The following NOL4 variants were observed in gnomAD, a reference collection of about 807,000 sequenced individuals.
The protein encoded by NOL4 is nucleolar protein 4.
In NOL4, 17 loss-of-function variants were observed where a neutral mutation model predicts 75.9. The observed-to-expected ratio is 0.22, with a 90% confidence interval of 0.15 to 0.34. NOL4 has a LOEUF of 0.34. NOL4 is among the 10% of genes least tolerant of loss of function. NOL4 has a pLI of 1.00. For synonymous variants in NOL4, 292 were observed against 289.9 expected (o/e 1.01, Z -0.07); for missense variants, 614 against 793.5 (o/e 0.77, Z 2.72).
At chr18:34,019,277 T>A in intron 6 of NOL4, 41 bp downstream of exon 6, 2 of 1,583,854 alleles carry the variant, frequency 1.3e-6, no homozygotes, top group East Asian at 4.5e-5. Context: ...GTGACCTTCA[T>A]GACCAACTCA....
At chr18:34,163,860 C>T (rs1039018006) in intron 1 of NOL4, among the ~76,000 whole-genome samples, 3 of 152,102 alleles carry the variant, frequency 2.0e-5, no homozygotes, top group Non-Finnish European at 4.4e-5. Context: ...CCTACAGTAA[C>T]CCAAACAGCA....
chr18:33,907,394 G>A (rs1304001914), intron 9 of NOL4, among the ~76,000 whole-genome samples: 1 of 148,360 alleles, frequency 6.7e-6, no homozygotes, highest in African/African-American at 2.5e-5. Context: ...CTTTACCAAT[G>A]TTTATCTTCC....
chr18:34,045,811 C>G (rs989368932), intron 5 of NOL4, among the ~76,000 whole-genome samples: 3 of 152,078 alleles, frequency 2.0e-5, no homozygotes, highest in Non-Finnish European at 4.4e-5. Context: ...CAAATATGCT[C>G]AAATCAAACA....
At position 33,923,160 on chromosome 18, in the gene NOL4, C is replaced by T. The variant is rs114493542; in HGVS notation, c.1542+19905G>A. Among the ~76,000 whole-genome samples, 524 of 152,040 alleles carry T rather than the reference C, an allele frequency of 3.4e-3. 5 individuals carry two copies. Among genetic ancestry groups the T allele is most frequent in the African/African-American group, 0.012 (505 of 41,530 alleles). ...GAAAGAAAGAATAAAACAAAGAATA[C>T]CCTCATGGATTTGGATATACCAATT... On this transcript the variant is annotated intron_variant, in intron 9 of 10. Coordinates refer to ENST00000261592, the MANE Select transcript of NOL4 (RefSeq NM_003787.5).
chr18:34,134,618 A>T (rs892563888), intron 1 of NOL4, among the ~76,000 whole-genome samples: 2 of 152,028 alleles, frequency 1.3e-5, no homozygotes, highest in African/African-American at 4.8e-5. Context: ...GAAATACAAG[A>T]CTTGAACAAT....
chr18:34,109,822 G>A (rs1257685557), intron 2 of NOL4, among the ~76,000 whole-genome samples: 1 of 148,696 alleles, frequency 6.7e-6, no homozygotes, highest in East Asian at 1.9e-4. Context: ...ATTAAATGAA[G>A]AGATATTATA....
At chr18:34,001,129 T>C (rs2073669405) in intron 6 of NOL4, among the ~76,000 whole-genome samples, 1 of 152,188 alleles carries the variant, frequency 6.6e-6, no homozygotes, top group African/African-American at 2.4e-5. Flanking sequence ...AGAGTGATTG[T>C]AATTCAGTTA....
At position 34,053,365 on chromosome 18, in the gene NOL4, G is replaced by A. The variant is rs377625893; in HGVS notation, c.773-33764C>T. Among the ~76,000 whole-genome samples the A allele has an allele frequency of 3.3e-5, 5 of 152,042 alleles. No individual in the cohort carries two copies. In the East Asian group the frequency reaches 9.7e-4, roughly 29 times the overall value. On this transcript the variant is annotated intron_variant, in intron 5 of 10. Coordinates refer to ENST00000261592, the MANE Select transcript of NOL4 (RefSeq NM_003787.5). ...TCTCAGTTCTAAACTAAAAAGCCAA[G>A]GACCATTAGGGAGGAAGAGCTTTTA...
At chr18:34,116,445 G>C (rs1197938379) in intron 2 of NOL4, among the ~76,000 whole-genome samples, 1 of 152,166 alleles carries the variant, frequency 6.6e-6, no homozygotes, top group Non-Finnish European at 1.5e-5. Flanking sequence ...CCATTCCTGA[G>C]TATTACTAGC....
intron 1 of NOL4, among the ~76,000 whole-genome samples, chr18:34,174,390 A>G (rs2033341203): frequency 1.3e-5 from 2 of 152,264 alleles, no homozygotes; most frequent in East Asian, 1.9e-4. Context: ...ACAATCCAAT[A>G]TGTATTTGTT....
chr18:34,120,821 G>A (rs972129706), intron 2 of NOL4, among the ~76,000 whole-genome samples: 3 of 152,132 alleles, frequency 2.0e-5, no homozygotes, highest in Non-Finnish European at 4.4e-5. Context: ...ACTAGAGGAG[G>A]AAAACATATA....
intron 5 of NOL4, among the ~76,000 whole-genome samples, chr18:34,040,876 G>A (rs948668735): frequency 3.3e-4 from 50 of 151,932 alleles, no homozygotes; most frequent in African/African-American, 1.1e-3. Flanking sequence ...TTATATTCAC[G>A]TCCTTTAATT....
chr18:33,879,509 C>T (rs2064129163), intron 10 of NOL4, among the ~76,000 whole-genome samples: 1 of 151,532 alleles, frequency 6.6e-6, no homozygotes, highest in Non-Finnish European at 1.5e-5. Flanking sequence ...TTTGTCTCTG[C>T]TAAAAATAAA....
intron 9 of NOL4, among the ~76,000 whole-genome samples, chr18:33,940,944 T>G (rs1354830685): frequency 2.6e-5 from 4 of 151,820 alleles, no homozygotes; most frequent in Admixed American, 6.6e-5. Context: ...TTTTCTTCAG[T>G]GGGTAGAAAG....
chr18:33,863,703 G>T (rs2063291647), intron 10 of NOL4, among the ~76,000 whole-genome samples: 1 of 152,176 alleles, frequency 6.6e-6, no homozygotes, highest in Non-Finnish European at 1.5e-5. Context: ...AGCACATGGT[G>T]CAAGTTGTCA....
At chr18:33,986,414 A>C (rs1461020653) in intron 6 of NOL4, among the ~76,000 whole-genome samples, 1 of 152,154 alleles carries the variant, frequency 6.6e-6, no homozygotes, top group Non-Finnish European at 1.5e-5. Flanking sequence ...ATAAAAACAC[A>C]AATGGGCAGA....
chr18:34,155,533 T>C (rs557363425), intron 1 of NOL4, among the ~76,000 whole-genome samples: 2 of 152,150 alleles, frequency 1.3e-5, no homozygotes, highest in South Asian at 4.1e-4. Context: ...CAAACATAGA[T>C]GGCATAGACT....
chr18:33,982,116 C>G (rs541346441), intron 6 of NOL4, among the ~76,000 whole-genome samples: 1 of 151,830 alleles, frequency 6.6e-6, no homozygotes, highest in Non-Finnish European at 1.5e-5. Flanking sequence ...AAATTGCATA[C>G]GGCAGGAAAA....
intron 6 of NOL4, among the ~76,000 whole-genome samples, chr18:33,993,913 A>G (rs1474394642): frequency 6.6e-6 from 1 of 151,830 alleles, no homozygotes; most frequent in Non-Finnish European, 1.5e-5. Context: ...AAAGTGAAAC[A>G]CTTAGATTCA....
Sources: allele counts gnomAD v4.1 joint callset (sites outside exome capture counted in the v4.1 genomes callset), GRCh38; gene constraint gnomAD v4.1.1; transcripts MANE v1.5; gene names NCBI Gene and HGNC (gene_info 2026-07-23, HGNC 2026-07-21).